The following DLGAP2 variants were observed in gnomAD, a reference collection of about 807,000 sequenced individuals.
The protein encoded by DLGAP2 is DLG associated protein 2, also known as disks large-associated protein 2.
DLGAP2 carries 26 observed loss-of-function variants against 100.3 expected under a neutral mutation model. The ratio of observed to expected loss-of-function variants is 0.26; its 90% CI spans 0.19 to 0.36. The LOEUF (loss-of-function observed/expected upper bound fraction) is 0.36, where lower values mean the gene tolerates loss of function less well. Among genes scored for constraint, DLGAP2 ranks in the 10% least tolerant of loss-of-function variants. The probability of loss-of-function intolerance (pLI) is 1.00; values close to 1 mark genes in which losing one functional copy is unlikely to be tolerated. For synonymous variants in DLGAP2, 886 were observed against 630.1 expected (o/e 1.41, Z -6.08); for missense variants, 1,858 against 1,453.2 (o/e 1.28, Z -4.53).
intron 3 of DLGAP2, among the ~76,000 whole-genome samples, chr8:1,392,281 C>T (rs1001907515): frequency 3.9e-5 from 6 of 152,202 alleles, no homozygotes; most frequent in East Asian, 1.9e-4. Flanking sequence ...CAGGTCGAGG[C>T]GCAGTCCAGA....
intron 2 of DLGAP2, among the ~76,000 whole-genome samples, chr8:1,133,599 C>A (rs1036881877): frequency 2.6e-5 from 4 of 152,172 alleles, no homozygotes; most frequent in African/African-American, 9.7e-5. Flanking sequence ...TGGACACAAA[C>A]ACTTTGCTCA....
intron 2 of DLGAP2, among the ~76,000 whole-genome samples, chr8:951,547 G>C (rs1210165759): frequency 2.0e-5 from 3 of 152,206 alleles, no homozygotes; most frequent in Non-Finnish European, 2.9e-5. Flanking sequence ...CACTGCACCT[G>C]GCTGATAAAT....
rs147297666 is a variant in DLGAP2, at chr8:986,986, T to C, written c.73+79020T>C. On this transcript the variant is annotated intron_variant, in intron 2 of 14. Transcript: ENST00000637795. ...CTTGATTTTTAGTAATGTGGTATCA[T>C]TTAATGTATACAGTAATCCACAAGG... Among the ~76,000 whole-genome samples, 11 of 152,304 alleles carry C rather than the reference T, an allele frequency of 7.2e-5. No individual in the cohort carries two copies. In the East Asian group the frequency reaches 1.9e-3, roughly 27 times the overall value.
intron 10 of DLGAP2, among the ~76,000 whole-genome samples, chr8:1,671,151 G>A (rs564015866): frequency 5.3e-5 from 8 of 152,342 alleles, no homozygotes; most frequent in African/African-American, 9.6e-5. Flanking sequence ...TGAAGGCAGC[G>A]GCCGAGACTG....
intron 6 of DLGAP2, among the ~76,000 whole-genome samples, chr8:1,570,346 C>G (rs981635388): frequency 1.3e-5 from 2 of 152,246 alleles, no homozygotes; most frequent in African/African-American, 4.8e-5. Flanking sequence ...GCATCCTGTT[C>G]CATTACGCAC....
chr8:916,317 C>T (rs1470813414), intron 2 of DLGAP2, among the ~76,000 whole-genome samples: 3 of 152,166 alleles, frequency 2.0e-5, no homozygotes, highest in African/African-American at 4.8e-5. Flanking sequence ...GAAAATGTGG[C>T]ACATATGCAC....
At chr8:1,409,171 C>T (rs959945600) in intron 3 of DLGAP2, among the ~76,000 whole-genome samples, 2 of 150,922 alleles carry the variant, frequency 1.3e-5, no homozygotes, top group African/African-American at 2.4e-5. Flanking sequence ...CCTTCCTCAC[C>T]ATAGCAGGCG....
rs560481316 is a variant in DLGAP2, at chr8:906,092, G to A, written c.19-1820G>A. 3.9e-5 allele frequency among the ~76,000 whole-genome samples: 6 copies of A among 152,352 alleles called. No individual in the cohort carries two copies. In the East Asian group the frequency reaches 5.8e-4, roughly 15 times the overall value. On this transcript the variant is annotated intron_variant, in intron 1 of 14. Coordinates refer to ENST00000637795, the MANE Select transcript of DLGAP2 (RefSeq NM_001346810.2). ...GCCCCAAGTTCCACTGTGGACGTGC[G>A]TGGGGCTTACCTATGGGCAGCCCCT...
intron 1 of DLGAP2, among the ~76,000 whole-genome samples, chr8:745,095 C>T (rs1202068207): frequency 6.6e-6 from 1 of 152,212 alleles, no homozygotes; most frequent in Non-Finnish European, 1.5e-5. Context: ...GTCCCTTCTC[C>T]CGCTGCTTCC....
chr8:1,489,495 A>G lies in DLGAP2; in HGVS notation c.107-11871A>G, dbSNP rs970264827. Among the ~76,000 whole-genome samples the G allele has an allele frequency of 3.9e-5, 6 of 152,190 alleles. No individual in the cohort carries two copies. The East Asian group carries it at 1.2e-3, about 29-fold the overall frequency. ...GTACGTCTTTACCACCACCCTTTTCATTCCAGGCCATCTCATTCCAAAAAG... is the reference window on the plus strand; with the variant it reads ...GTACGTCTTTACCACCACCCTTTTCGTTCCAGGCCATCTCATTCCAAAAAG... On this transcript the variant is annotated intron_variant, in intron 3 of 14. Coordinates refer to ENST00000637795, the MANE Select transcript of DLGAP2 (RefSeq NM_001346810.2).
Position 1,140,636 on chromosome 8 carries a change from T to TAC in DLGAP2, c.74-118214_74-118213insCA, listed in dbSNP as rs1347726333. On this transcript the variant is annotated intron_variant, in intron 2 of 14. Coordinates refer to ENST00000637795, the MANE Select transcript of DLGAP2 (RefSeq NM_001346810.2). The stretch of plus-strand genomic sequence containing the variant: ...TCAGCCAGGCTGGGAGCTGACTTCC[T>TAC]AGGTTGTCCTCCTGTAGTTCTTGCC... 1.2e-4 allele frequency among the ~76,000 whole-genome samples: 18 copies of TAC among 152,244 alleles called. No homozygotes were observed. The East Asian group carries it at 3.5e-3, about 30-fold the overall frequency.
chr8:855,364 C>T (rs749033227), intron 1 of DLGAP2, among the ~76,000 whole-genome samples: 3 of 152,166 alleles, frequency 2.0e-5, no homozygotes, highest in Non-Finnish European at 4.4e-5. Context: ...GTGCTCCCCA[C>T]TCAACACTGG....
intron 2 of DLGAP2, among the ~76,000 whole-genome samples, chr8:962,616 G>T (rs1358233303): frequency 6.6e-6 from 1 of 152,130 alleles, no homozygotes; most frequent in African/African-American, 2.4e-5. Flanking sequence ...CCTCCGAGAG[G>T]GGAGTGGGAA....
chr8:1,535,009 G>T (rs900465123), intron 4 of DLGAP2, among the ~76,000 whole-genome samples: 1 of 152,236 alleles, frequency 6.6e-6, no homozygotes, highest in Non-Finnish European at 1.5e-5. Flanking sequence ...CTGTTTTCGT[G>T]TCCCAAGCGT....
chr8:1,067,484 G>C (rs1041442528), intron 2 of DLGAP2, among the ~76,000 whole-genome samples: 1 of 152,148 alleles, frequency 6.6e-6, no homozygotes, highest in African/African-American at 2.4e-5. Flanking sequence ...GCCCGTGTGG[G>C]AAGACTGTCT....
intron 2 of DLGAP2, among the ~76,000 whole-genome samples, chr8:944,571 T>C (rs527335258): frequency 6.6e-6 from 1 of 150,808 alleles, no homozygotes; most frequent in African/African-American, 2.4e-5. Context: ...CAGTGGGTGG[T>C]AACATCCCTG....
chr8:1,463,048 A>G (rs1444548959), intron 3 of DLGAP2, among the ~76,000 whole-genome samples: 1 of 152,162 alleles, frequency 6.6e-6, no homozygotes, highest in Non-Finnish European at 1.5e-5. Flanking sequence ...CAGGAGTTCA[A>G]GACCAGCTGG....
At chr8:1,494,014 G>T (rs78158484) in intron 3 of DLGAP2, among the ~76,000 whole-genome samples, 2,506 of 150,700 alleles carry the variant, frequency 0.017, 80 homozygotes, top group African/African-American at 0.058. Context: ...CCAGGAGGAC[G>T]CAGGGCCCCT....
chr8:1,649,688 C>T (rs1798120312), intron 8 of DLGAP2, among the ~76,000 whole-genome samples: 2 of 152,260 alleles, frequency 1.3e-5, no homozygotes, highest in South Asian at 2.1e-4. Context: ...AGGAAAAATA[C>T]TCCTTTCTAA....
Sources: gnomAD v4.1 joint callset for allele counts (sites outside exome capture counted in the v4.1 genomes callset) on GRCh38, gnomAD v4.1.1 for gene constraint, MANE v1.5 for transcripts, NCBI Gene and HGNC (gene_info 2026-07-23, HGNC 2026-07-21) for gene names.